The following NIM1K variants were observed in gnomAD, a reference collection of about 807,000 sequenced individuals.
NIM1K encodes NIM1 serine/threonine protein kinase.
Under a neutral mutation model 37.1 loss-of-function variants are expected in NIM1K, and 35 were observed. The observed-to-expected ratio is 0.94, with a 90% confidence interval of 0.72 to 1.25. The LOEUF (loss-of-function observed/expected upper bound fraction) is 1.25, where lower values mean the gene tolerates loss of function less well. NIM1K is among the 50% of genes most tolerant of loss of function. The pLI, the probability that NIM1K is intolerant of heterozygous loss-of-function variation, is 0.00. For synonymous variants in NIM1K, 234 were observed against 206.6 expected (o/e 1.13, Z -1.14); for missense variants, 564 against 548.0 (o/e 1.03, Z -0.29).
chr5:43,219,184 C>T (rs1407371549), intron 1 of NIM1K, among the ~76,000 whole-genome samples: 1 of 152,088 alleles, frequency 6.6e-6, no homozygotes, highest in Non-Finnish European at 1.5e-5. Flanking sequence ...AACCTCTTTC[C>T]TTTATAAATT....
chr5:43,232,550 C>T (rs1209813305), intron 1 of NIM1K: 18 of 1,580,512 alleles, frequency 1.1e-5, no homozygotes, highest in Non-Finnish European at 1.5e-5. Context: ...TCATAAGTGG[C>T]CTCATTGTCT....
At chr5:43,220,408 C>A (rs556745589) in intron 1 of NIM1K, among the ~76,000 whole-genome samples, 1 of 151,328 alleles carries the variant, frequency 6.6e-6, no homozygotes, top group African/African-American at 2.4e-5. Flanking sequence ...GCCTTAGCAT[C>A]CCGAGTAGCT....
intron 1 of NIM1K, among the ~76,000 whole-genome samples, chr5:43,206,264 T>C (rs1752108913): frequency 6.6e-6 from 1 of 151,990 alleles, no homozygotes; most frequent in African/African-American, 2.4e-5. Flanking sequence ...TCTATGCCTG[T>C]AGTCCCATCA....
intron 1 of NIM1K, among the ~76,000 whole-genome samples, chr5:43,221,447 C>CAAAAAAAAA (rs55658060): frequency 8.1e-6 from 1 of 124,112 alleles, no homozygotes. Flanking sequence ...GAGACTGTCT[C>CAAAAAAAAA]AAAAAAAAAA....
In NIM1K at chr5:43,280,250, A is replaced by C. The variant is rs756015094; in HGVS notation, c.832A>C (p.Lys278Gln). 3 of 1,614,184 alleles carry C rather than the reference A, an allele frequency of 1.9e-6. No homozygotes were observed. Among genetic ancestry groups the C allele is most frequent in the Non-Finnish European group, 2.5e-6 (3 of 1,180,038 alleles). Residue 278 changes from lysine (K) to glutamine (Q), a missense_variant, in exon 4 of 4, where the codon AAA (lysine) becomes CAA (glutamine). Transcript: ENST00000326035. ...GCCATTTCGGGCAGAAACCGTGGCC[A>C]AACTAAAAAAGAGCATCCTCGAGGG... Reference protein sequence around the residue: ...TMPFRAETVAKLKKSILEGTY... With the variant: ...TMPFRAETVAQLKKSILEGTY...
intron 2 of NIM1K, among the ~76,000 whole-genome samples, chr5:43,254,188 T>C (rs1028342041): frequency 2.0e-5 from 3 of 152,138 alleles, no homozygotes; most frequent in African/African-American, 7.2e-5. Flanking sequence ...TGAAAAACCT[T>C]GTGATCAATG....
intron 2 of NIM1K, among the ~76,000 whole-genome samples, chr5:43,264,687 G>T (rs4254917): frequency 0.39 from 59,406 of 152,010 alleles, 13,048 homozygotes; most frequent in East Asian, 0.78. Flanking sequence ...TATTTTGCTT[G>T]TTAGTTGATG....
chr5:43,245,597 A>G lies in NIM1K; in HGVS notation c.-179A>G. ...CTGGCTGGGCTGGGCAGACTCAGCT[A>G]CCACGTTCACTGCCTTCCTCTCACT... On this transcript the variant is annotated 5_prime_UTR_variant, in exon 2 of 4. Coordinates refer to ENST00000326035, the MANE Select transcript of NIM1K (RefSeq NM_153361.4). 1.7e-6 allele frequency: 1 copy of G among 576,370 alleles called. No individual in the cohort carries two copies. The allele number at this position is 576,370 out of a possible 1,614,324, so 35.7% of individuals were successfully genotyped here. A position where few individuals can be genotyped will look rare whatever the true frequency, so the allele number is the denominator to read the frequency against.
chr5:43,266,756 C>G (rs141693650), intron 2 of NIM1K, among the ~76,000 whole-genome samples: 2 of 152,320 alleles, frequency 1.3e-5, no homozygotes, highest in East Asian at 1.9e-4. Context: ...AACCTCCCCC[C>G]TGACTTGCGT....
At chr5:43,240,100 G>C (rs1752678365) in intron 1 of NIM1K, among the ~76,000 whole-genome samples, 1 of 151,804 alleles carries the variant, frequency 6.6e-6, no homozygotes, top group Non-Finnish European at 1.5e-5. Flanking sequence ...TTGAGACAGA[G>C]TCTCGCTCTG....
At chr5:43,267,350 T>C (rs1318518363) in intron 2 of NIM1K, among the ~76,000 whole-genome samples, 2 of 152,220 alleles carry the variant, frequency 1.3e-5, no homozygotes, top group East Asian at 3.8e-4. Flanking sequence ...ACTTCTCTCC[T>C]CTTAGTTAAT....
At chr5:43,277,701 A>G (rs1753366550) in intron 3 of NIM1K, among the ~76,000 whole-genome samples, 1 of 151,090 alleles carries the variant, frequency 6.6e-6, no homozygotes, top group Non-Finnish European at 1.5e-5. Context: ...CTCATATGAC[A>G]TCTCACATTC....
At position 43,247,847 on chromosome 5, in the gene NIM1K, A is replaced by G. The variant is rs151179439; in HGVS notation, c.292+1780A>G. On this transcript the variant is annotated intron_variant, in intron 2 of 3. Transcript: ENST00000326035. Reference sequence around the variant, plus strand: ...GTTTCCATGCTACGTTTAACTTTCAAATTTCATTTCACTTGAGAGAATATT... The same window carrying G: ...GTTTCCATGCTACGTTTAACTTTCAGATTTCATTTCACTTGAGAGAATATT... 1.1e-4 allele frequency among the ~76,000 whole-genome samples: 17 copies of G among 152,366 alleles called. 1 individual carries two copies. The highest frequency in any genetic ancestry group is 3.6e-4 in the African/African-American group (15 of 41,592).
At chr5:43,220,559 G>A (rs971463878) in intron 1 of NIM1K, among the ~76,000 whole-genome samples, 1 of 152,138 alleles carries the variant, frequency 6.6e-6, no homozygotes, top group Non-Finnish European at 1.5e-5. Context: ...GGGATTACAG[G>A]CGTGAGCTAC....
chr5:43,256,342 G>T (rs1395341779), intron 2 of NIM1K, among the ~76,000 whole-genome samples: 1 of 152,182 alleles, frequency 6.6e-6, no homozygotes, highest in African/African-American at 2.4e-5. Flanking sequence ...TATTTAAAAG[G>T]CTAAAGATAG....
At chr5:43,199,783 C>A (rs2112200118) in intron 1 of NIM1K, among the ~76,000 whole-genome samples, 1 of 152,298 alleles carries the variant, frequency 6.6e-6, no homozygotes, top group African/African-American at 2.4e-5. Flanking sequence ...AGCCAGGCTG[C>A]AGTGATGTCT....
chr5:43,193,185 G>A (rs927147700), intron 1 of NIM1K: 3 of 152,140 alleles, frequency 2.0e-5, no homozygotes, highest in Non-Finnish European at 4.4e-5. Context: ...CAGCTTCTGC[G>A]TGCTTGACAC....
chr5:43,262,472 T>C (rs1428176603), intron 2 of NIM1K, among the ~76,000 whole-genome samples: 2 of 152,232 alleles, frequency 1.3e-5, no homozygotes, highest in Non-Finnish European at 2.9e-5. Context: ...CCTGAGACTT[T>C]GCTGAAGTTC....
chr5:43,238,825 G>C lies in NIM1K; in HGVS notation c.-694-6257G>C, dbSNP rs535778283. 2.7e-4 allele frequency among the ~76,000 whole-genome samples: 41 copies of C among 151,812 alleles called. 1 individual carries two copies. In the East Asian group the frequency reaches 4.7e-3, roughly 17 times the overall value. ...TATTTTCCTCCATTCTGGGAACCAA[G>C]AGTGCAAGGAGAAGAGAATGAGGGA... On this transcript the variant is annotated intron_variant, in intron 1 of 3. Transcript: ENST00000326035.
Sources: gnomAD v4.1 joint callset for allele counts (sites outside exome capture counted in the v4.1 genomes callset) on GRCh38, gnomAD v4.1.1 for gene constraint, MANE v1.5 for transcripts, NCBI Gene and HGNC (gene_info 2026-07-23, HGNC 2026-07-21) for gene names.